The following DLG2 variants were observed in gnomAD, a reference collection of about 807,000 sequenced individuals.
DLG2 encodes disks large homolog 2.
DLG2 carries 45 observed loss-of-function variants against 132.5 expected under a neutral mutation model. The observed-to-expected ratio is 0.34, with a 90% CI of 0.27 to 0.44. The LOEUF is 0.44. Ranked by LOEUF, DLG2 falls within the 20% of genes least tolerant of loss-of-function variation. The pLI is 1.00. For synonymous variants in DLG2, 424 were observed against 419.6 expected (o/e 1.01, Z -0.13); for missense variants, 1,045 against 1,196.9 (o/e 0.87, Z 1.87).
intron 6 of DLG2, among the ~76,000 whole-genome samples, chr11:84,784,349 TAAATA>T (rs1565953181): frequency 2.5e-4 from 37 of 147,626 alleles, no homozygotes; most frequent in African/African-American, 8.9e-4. Context: ...AATAAATAAA[TAAATA>T]AATAAATAAA....
chr11:85,567,803 G>A (rs937940016), intron 3 of DLG2, among the ~76,000 whole-genome samples: 2 of 151,950 alleles, frequency 1.3e-5, no homozygotes, highest in Non-Finnish European at 2.9e-5. Flanking sequence ...TATCTTTTTA[G>A]TCCTAGTTTT....
At chr11:83,552,785 A>C (rs1182048227) in intron 19 of DLG2, among the ~76,000 whole-genome samples, 4 of 152,162 alleles carry the variant, frequency 2.6e-5, no homozygotes, top group Non-Finnish European at 5.9e-5. Flanking sequence ...GTGCAAATCA[A>C]ATTCTTTGGC....
At chr11:85,106,222 A>G (rs1164544912) in intron 6 of DLG2, among the ~76,000 whole-genome samples, 4 of 151,958 alleles carry the variant, frequency 2.6e-5, no homozygotes, top group African/African-American at 9.7e-5. Context: ...CTAGAGAGAC[A>G]TAGTAGGAAG....
At chr11:85,324,253 G>A (rs1277436973) in intron 3 of DLG2, among the ~76,000 whole-genome samples, 2 of 151,886 alleles carry the variant, frequency 1.3e-5, no homozygotes, top group Middle Eastern at 3.2e-3. Context: ...GTATTTTTTT[G>A]GTGGAGTGAT....
chr11:83,597,283 T>G (rs2153356829), intron 19 of DLG2, among the ~76,000 whole-genome samples: 1 of 152,030 alleles, frequency 6.6e-6, no homozygotes, highest in African/African-American at 2.4e-5. Flanking sequence ...ATATCTCTAA[T>G]TCAACTCTGT....
At chr11:84,397,502 T>C (rs767108223) in intron 7 of DLG2, among the ~76,000 whole-genome samples, 4 of 152,210 alleles carry the variant, frequency 2.6e-5, no homozygotes, top group African/African-American at 9.6e-5. Flanking sequence ...ACGCGGGCCA[T>C]GTCCAGGCCT....
intron 16 of DLG2, among the ~76,000 whole-genome samples, chr11:83,841,598 C>T (rs572822219): frequency 6.6e-6 from 1 of 152,278 alleles, no homozygotes; most frequent in African/African-American, 2.4e-5. Flanking sequence ...AGGGCAGAGA[C>T]CCATACAAAA....
intron 15 of DLG2, among the ~76,000 whole-genome samples, chr11:83,878,537 C>T (rs1330601844): frequency 6.6e-6 from 1 of 152,156 alleles, no homozygotes; most frequent in Non-Finnish European, 1.5e-5. Flanking sequence ...CTGAGTAACA[C>T]TGACAAATTC....
intron 6 of DLG2, among the ~76,000 whole-genome samples, chr11:84,828,345 T>C (rs758876290): frequency 6.6e-6 from 1 of 151,798 alleles, no homozygotes; most frequent in African/African-American, 2.4e-5. Context: ...TGAATAAGGA[T>C]GGAGGAAGAT....
At chr11:83,814,517 C>T (rs1241772922) in intron 17 of DLG2, 2 of 209,942 alleles carry the variant, frequency 9.5e-6, no homozygotes, top group Non-Finnish European at 2.0e-5. Context: ...AAATGGGCCA[C>T]ATCTTCAAGG....
intron 6 of DLG2, among the ~76,000 whole-genome samples, chr11:84,952,310 C>A (rs534526187): frequency 8.5e-5 from 13 of 152,134 alleles, no homozygotes; most frequent in Non-Finnish European, 1.9e-4. Flanking sequence ...CTTTGGGAGG[C>A]CGAGGTCAGG....
intron 7 of DLG2, among the ~76,000 whole-genome samples, chr11:84,324,688 C>A (rs2098422027): frequency 6.6e-6 from 1 of 151,996 alleles, no homozygotes; most frequent in African/African-American, 2.4e-5. Context: ...TTATTTGTGT[C>A]TTTAATTCCT....
At chr11:83,705,764 AGC>A (rs1244660163) in intron 18 of DLG2, among the ~76,000 whole-genome samples, 9 of 152,226 alleles carry the variant, frequency 5.9e-5, no homozygotes, top group African/African-American at 2.2e-4. Context: ...CAGATTCTCT[AGC>A]AATGAATTCT....
chr11:84,762,646 C>T (rs1237467786), intron 6 of DLG2, among the ~76,000 whole-genome samples: 1 of 152,136 alleles, frequency 6.6e-6, no homozygotes, highest in Admixed American at 6.5e-5. Context: ...CACTACCTTC[C>T]AAAAGAAATT....
intron 11 of DLG2, among the ~76,000 whole-genome samples, chr11:84,040,279 A>T (rs2096027868): frequency 6.6e-6 from 1 of 151,852 alleles, no homozygotes; most frequent in Non-Finnish European, 1.5e-5. Flanking sequence ...GGTGTTTTGG[A>T]CATGAAGTCC....
At chr11:84,736,772 CTGG>C (rs1348954154) in intron 6 of DLG2, among the ~76,000 whole-genome samples, 1 of 151,916 alleles carries the variant, frequency 6.6e-6, no homozygotes, top group African/African-American at 2.4e-5. Context: ...ACCTATTAGT[CTGG>C]TAGCTTTTTA....
intron 6 of DLG2, among the ~76,000 whole-genome samples, chr11:85,106,400 A>G (rs1043142253): frequency 3.3e-5 from 5 of 151,968 alleles, no homozygotes; most frequent in African/African-American, 1.2e-4. Flanking sequence ...CTTTTTCAAG[A>G]ACTGCAAGAT....
chr11:84,846,485 C>G (rs973711753), intron 6 of DLG2, among the ~76,000 whole-genome samples: 2 of 152,130 alleles, frequency 1.3e-5, no homozygotes, highest in African/African-American at 4.8e-5. Context: ...GTTTACTGCT[C>G]TCTATCTCCA....
intron 6 of DLG2, among the ~76,000 whole-genome samples, chr11:84,924,109 A>C (rs970908333): frequency 2.6e-5 from 4 of 152,126 alleles, no homozygotes; most frequent in African/African-American, 9.7e-5. Context: ...GGAAAAAAAA[A>C]AATTAAAAAC....
Sources: allele counts gnomAD v4.1 joint callset (sites outside exome capture counted in the v4.1 genomes callset), GRCh38; gene constraint gnomAD v4.1.1; transcripts MANE v1.5; gene names NCBI Gene and HGNC (gene_info 2026-07-23, HGNC 2026-07-21).